Variants in SIK2 observed in about 807,000 individuals in gnomAD.
The protein encoded by SIK2 is salt inducible kinase 2, also known as serine/threonine-protein kinase SIK2.
Under a neutral mutation model 103.2 loss-of-function variants are expected in SIK2, and 29 were observed. The ratio of observed to expected loss-of-function variants is 0.28; its 90% CI spans 0.21 to 0.38. The LOEUF is 0.38. SIK2 is among the 10% of genes least tolerant of loss of function. SIK2 has a pLI of 1.00. For missense variants in SIK2, 879 were observed against 1,171.0 expected (o/e 0.75, Z 3.64); for synonymous variants, 412 against 446.1 (o/e 0.92, Z 0.96).
chr11:111,627,815 G>A (rs1429878796), intron 3 of SIK2, among the ~76,000 whole-genome samples: 1 of 152,034 alleles, frequency 6.6e-6, no homozygotes, highest in Non-Finnish European at 1.5e-5. Flanking sequence ...TTTGTATTTA[G>A]TTGGCCAGCA....
intron 9 of SIK2, among the ~76,000 whole-genome samples, chr11:111,713,937 A>G (rs1285764609): frequency 6.6e-6 from 1 of 152,236 alleles, no homozygotes; most frequent in Non-Finnish European, 1.5e-5. Context: ...ATTGCATGCC[A>G]GCCCAGGCGA....
intron 3 of SIK2, among the ~76,000 whole-genome samples, chr11:111,658,687 G>A (rs1274933829): frequency 1.3e-5 from 2 of 152,000 alleles, no homozygotes; most frequent in Non-Finnish European, 2.9e-5. Flanking sequence ...GATGCAGTGA[G>A]CCATGACCAC....
rs191565135 is a variant in SIK2, at chr11:111,726,990, A to C, written c.*2861A>C. On this transcript the variant is annotated 3_prime_UTR_variant, in exon 15 of 15. Transcript: ENST00000304987. ...TTAGTCTGTGCTTTGGGAGAAATGC[A>C]CTAGCTCTGCAATTCCCAGCTGGGC... The C allele has an allele frequency of 2.2e-4, 357 of 1,614,088 alleles. 2 individuals are homozygous for C. The East Asian group carries it at 7.6e-3, about 34-fold the overall frequency.
Position 111,726,454 on chromosome 11 carries a change from GGACACCGGCCTGATGCAGAGCGT to G in SIK2, c.*2329_*2351del, listed in dbSNP as rs1943969812. The G allele has an allele frequency of 6.5e-6, 1 of 154,528 alleles. No homozygotes were observed. The highest frequency in any genetic ancestry group is 2.4e-5 in the African/African-American group (1 of 41,492). The allele number at this position is 154,528 out of a possible 1,614,324, so 9.6% of individuals were successfully genotyped here. On this transcript the variant is annotated 3_prime_UTR_variant, in exon 15 of 15. Transcript: ENST00000304987. ...GATCCGTCACACACGGCAGCGGCGT[GGACACCGGCCTGATGCAGAGCGT>G]GACCCCTCCTGCTGGGACCTGTGTT... is the stretch of plus-strand genomic sequence containing the variant.
At chr11:111,693,120 G>T (rs1164573556) in intron 4 of SIK2, among the ~76,000 whole-genome samples, 1 of 151,926 alleles carries the variant, frequency 6.6e-6, no homozygotes, top group African/African-American at 2.4e-5. Flanking sequence ...GATCACGAGG[G>T]CAGGATTTCG....
chr11:111,688,072 G>A lies in SIK2; in HGVS notation c.388G>A (p.Val130Ile), dbSNP rs889536247. The change falls in exon 4 of 15, where the codon GTT becomes ATT. Residue 130 changes from valine (V) to isoleucine (I), a missense_variant. Transcript: ENST00000304987. This position sits in a 1 kb window ranked among gnomAD's most constrained non-coding sequence, Gnocchi z 4.2. ...AAAATTCTGGCAAATCCTGTCTGCTGTTGATTATTGTCATGGTCGGAAGAT... is the reference window on the plus strand; with the variant it reads ...AAAATTCTGGCAAATCCTGTCTGCTATTGATTATTGTCATGGTCGGAAGAT... ...RRKFWQILSA[V>I]DYCHGRKIVH... 1 of 1,614,074 alleles carries A rather than the reference G, an allele frequency of 6.2e-7. No individual in the cohort carries two copies. Among genetic ancestry groups the A allele is most frequent in the Admixed American group, 1.7e-5 (1 of 60,006 alleles).
In SIK2 at chr11:111,723,746, C is replaced by T; in HGVS notation, c.2398C>T (p.Gln800Ter). ...FLSQYQEMQL[Q>*]PLPSTSGPRA... ...CAGCCAGTACCAAGAGATGCAGCTTCAGCCCCTGCCCTCCACTTCCGGTCC... is the reference window on the plus strand; with the variant it reads ...CAGCCAGTACCAAGAGATGCAGCTTTAGCCCCTGCCCTCCACTTCCGGTCC... The change falls in exon 15 of 15, where the codon CAG (glutamine) becomes TAG (stop). Residue 800 changes from glutamine to a stop codon, truncating the protein, a stop_gained. Coordinates refer to ENST00000304987, the MANE Select transcript of SIK2 (RefSeq NM_015191.3). LOFTEE classifies it high-confidence loss of function. 1 of 1,614,132 alleles carries T rather than the reference C, an allele frequency of 6.2e-7. No individual in the cohort carries two copies. Among genetic ancestry groups the T allele is most frequent in the Non-Finnish European group, 8.5e-7 (1 of 1,180,044 alleles).
intron 8 of SIK2, among the ~76,000 whole-genome samples, chr11:111,711,605 T>C (rs1943498785): frequency 6.6e-6 from 1 of 152,168 alleles, no homozygotes; most frequent in Non-Finnish European, 1.5e-5. Context: ...GCAGGCTGAG[T>C]CCAGGCTGTG....
At chr11:111,689,743 T>A (rs1942901648) in intron 4 of SIK2, among the ~76,000 whole-genome samples, 1 of 152,184 alleles carries the variant, frequency 6.6e-6, no homozygotes, top group Non-Finnish European at 1.5e-5. Context: ...GGTAAAACCC[T>A]CATGTTTGTA....
At chr11:111,667,572 A>G (rs1264957260) in intron 3 of SIK2, among the ~76,000 whole-genome samples, 2 of 148,808 alleles carry the variant, frequency 1.3e-5, no homozygotes, top group Non-Finnish European at 3.0e-5. Flanking sequence ...GCTCACTGCA[A>G]CCTCCACCTC....
In SIK2 at chr11:111,726,171, G is replaced by A. The variant is rs568564717; in HGVS notation, c.*2042G>A. ...CGTTTTCCCAAAATATACTACAGAA[G>A]TGCTACAATATTTGCGATATTAAAA... On this transcript the variant is annotated 3_prime_UTR_variant, in exon 15 of 15. Coordinates refer to ENST00000304987, the MANE Select transcript of SIK2 (RefSeq NM_015191.3). 11 of 152,298 alleles carry A rather than the reference G, an allele frequency of 7.2e-5. No individual in the cohort carries two copies. The Middle Eastern group carries it at 0.01, about 141-fold the overall frequency. 9.4% of individuals were successfully genotyped at this position (152,298 alleles called of 1,614,324 possible). A position where few individuals can be genotyped will look rare whatever the true frequency, so the allele number is the denominator to read the frequency against.
intron 7 of SIK2, among the ~76,000 whole-genome samples, chr11:111,704,430 G>T (rs1043069765): frequency 2.0e-5 from 3 of 152,138 alleles, no homozygotes; most frequent in African/African-American, 7.2e-5. Flanking sequence ...GTTTTAAGAG[G>T]GTGGGACTGC....
intron 4 of SIK2, among the ~76,000 whole-genome samples, chr11:111,695,611 C>G (rs1187872915): frequency 1.3e-5 from 2 of 152,130 alleles, no homozygotes; most frequent in African/African-American, 4.8e-5. Flanking sequence ...GTCTGGAGAC[C>G]AGCAGCATGA....
intron 3 of SIK2, among the ~76,000 whole-genome samples, chr11:111,639,311 A>T (rs1004650502): frequency 6.6e-6 from 1 of 152,210 alleles, no homozygotes; most frequent in Non-Finnish European, 1.5e-5. Flanking sequence ...CCTCTTCTCC[A>T]GAAATTTGCT....
intron 3 of SIK2, among the ~76,000 whole-genome samples, chr11:111,629,604 G>T (rs575951279): frequency 1.3e-5 from 2 of 152,214 alleles, no homozygotes; most frequent in African/African-American, 4.8e-5. Flanking sequence ...GGGAGCAAAT[G>T]AAATTCAACA....
At chr11:111,704,669 C>T (rs767433999) in intron 7 of SIK2, among the ~76,000 whole-genome samples, 1 of 152,152 alleles carries the variant, frequency 6.6e-6, no homozygotes, top group Non-Finnish European at 1.5e-5. Flanking sequence ...GAGATGGGGC[C>T]ATATGGCAGC....
chr11:111,687,514 C>CAAA (rs35674513), intron 3 of SIK2, among the ~76,000 whole-genome samples: 1 of 125,140 alleles, frequency 8.0e-6, no homozygotes. Context: ...GACTCCATCT[C>CAAA]AAAAAAAAAA....
intron 3 of SIK2, among the ~76,000 whole-genome samples, chr11:111,630,262 A>G (rs1016095071): frequency 2.6e-5 from 4 of 152,196 alleles, no homozygotes; most frequent in African/African-American, 4.8e-5. Context: ...GTGAAATTCT[A>G]TAACAGTCAA....
intron 3 of SIK2, among the ~76,000 whole-genome samples, chr11:111,655,211 G>A (rs1942376167): frequency 1.3e-5 from 2 of 152,182 alleles, no homozygotes; most frequent in African/African-American, 4.8e-5. Context: ...AGACCAGCCT[G>A]GCCAACATGG....
Sources: gnomAD v4.1 joint callset for allele counts (sites outside exome capture counted in the v4.1 genomes callset) on GRCh38, gnomAD v4.1.1 for gene constraint, Gnocchi (gnomAD v3.1) non-coding constraint, MANE v1.5 for transcripts, NCBI Gene and HGNC (gene_info 2026-07-23, HGNC 2026-07-21) for gene names.